The following MAGI1 variants were observed in gnomAD, a reference collection of about 807,000 sequenced individuals.
MAGI1 encodes membrane-associated guanylate kinase, WW and PDZ domain-containing protein 1.
In MAGI1, 58 loss-of-function variants were observed where a neutral mutation model predicts 139.9. The observed-to-expected ratio is 0.41, with a 90% CI of 0.34 to 0.52. The LOEUF (loss-of-function observed/expected upper bound fraction) is 0.52. MAGI1 is among the 20% of genes least tolerant of loss of function. MAGI1 has a pLI of 0.12. For missense variants in MAGI1, 1,874 were observed against 1,901.6 expected, an observed-to-expected ratio of 0.99 and a Z score of 0.27; for synonymous variants, 812 against 737.9, an observed-to-expected ratio of 1.10 and a Z score of -1.63.
chr3:65,410,431 T>C (rs187349144), intron 12 of MAGI1, among the ~76,000 whole-genome samples: 1 of 152,348 alleles, frequency 6.6e-6, no homozygotes, highest in Admixed American at 6.5e-5. Flanking sequence ...ATACTTGGTC[T>C]AAAACCAAGC....
At chr3:65,878,238 C>T (rs909167382) in intron 1 of MAGI1, among the ~76,000 whole-genome samples, 4 of 152,128 alleles carry the variant, frequency 2.6e-5, no homozygotes, top group African/African-American at 7.2e-5. Context: ...CAGACTTGGC[C>T]GGGCACGGTG....
At chr3:65,566,447 T>C (rs1576339481) in intron 2 of MAGI1, among the ~76,000 whole-genome samples, 2 of 151,746 alleles carry the variant, frequency 1.3e-5, no homozygotes, top group Admixed American at 1.3e-4. Flanking sequence ...TTTTTTTTTT[T>C]CCATAGTTAA....
intron 1 of MAGI1, among the ~76,000 whole-genome samples, chr3:65,842,744 C>A (rs1350954424): frequency 6.6e-6 from 1 of 152,118 alleles, no homozygotes; most frequent in African/African-American, 2.4e-5. Flanking sequence ...ATAATTTGTT[C>A]CTTCCTTTCT....
At chr3:66,020,804 C>T (rs1269918433) in intron 1 of MAGI1, among the ~76,000 whole-genome samples, 2 of 152,296 alleles carry the variant, frequency 1.3e-5, no homozygotes, top group South Asian at 4.1e-4. Context: ...AATCACTTTT[C>T]AGTCATCCAT....
intron 1 of MAGI1, among the ~76,000 whole-genome samples, chr3:65,863,808 T>C (rs1365777554): frequency 6.6e-6 from 1 of 152,170 alleles, no homozygotes; most frequent in Non-Finnish European, 1.5e-5. Context: ...ATTATACATC[T>C]ATAAAAATCG....
chr3:65,909,271 T>A (rs143431485), intron 1 of MAGI1, among the ~76,000 whole-genome samples: 1 of 152,006 alleles, frequency 6.6e-6, no homozygotes, highest in East Asian at 1.9e-4. Flanking sequence ...ATGCCTGTAA[T>A]CTCAACATTT....
chr3:65,847,345 G>C (rs1367987590), intron 1 of MAGI1, among the ~76,000 whole-genome samples: 1 of 152,004 alleles, frequency 6.6e-6, no homozygotes, highest in Non-Finnish European at 1.5e-5. Flanking sequence ...CCCTAGCTAG[G>C]TTTCTATTTC....
chr3:65,970,091 C>A (rs1328715361), intron 1 of MAGI1, among the ~76,000 whole-genome samples: 4 of 152,190 alleles, frequency 2.6e-5, no homozygotes, highest in Non-Finnish European at 5.9e-5. Context: ...AAGCAACCCA[C>A]TGTCCATCAA....
At chr3:65,820,990 T>G (rs1559914792) in intron 1 of MAGI1, among the ~76,000 whole-genome samples, 2 of 152,244 alleles carry the variant, frequency 1.3e-5, no homozygotes, top group Admixed American at 6.5e-5. Flanking sequence ...TATTCTCTAT[T>G]TGCCCAATCT....
chr3:65,962,970 GT>G (rs147070673), intron 1 of MAGI1, among the ~76,000 whole-genome samples: 8,344 of 143,816 alleles, frequency 0.058, 343 homozygotes, highest in Non-Finnish European at 0.092. Flanking sequence ...AACAAGATGA[GT>G]TTTTTTTTTT....
chr3:65,946,496 G>C (rs1044047114), intron 1 of MAGI1, among the ~76,000 whole-genome samples: 2 of 152,050 alleles, frequency 1.3e-5, no homozygotes, highest in African/African-American at 4.8e-5. Context: ...CTCCAGGTTA[G>C]AGAAAAGCAG....
At chr3:65,516,408 G>A (rs975638104) in intron 2 of MAGI1, among the ~76,000 whole-genome samples, 3 of 152,040 alleles carry the variant, frequency 2.0e-5, no homozygotes, top group African/African-American at 7.2e-5. Context: ...TCGATCTCTT[G>A]ACCTTGGGAT....
At chr3:65,872,051 T>C (rs2059957696) in intron 1 of MAGI1, among the ~76,000 whole-genome samples, 1 of 152,172 alleles carries the variant, frequency 6.6e-6, no homozygotes, top group African/African-American at 2.4e-5. Context: ...ACCTGGGGAC[T>C]GACCCTCTCA....
chr3:65,392,807 G>T (rs540056705), intron 13 of MAGI1, among the ~76,000 whole-genome samples: 33 of 152,300 alleles, frequency 2.2e-4, no homozygotes, highest in Middle Eastern at 6.8e-3. Context: ...TTGAATGGAG[G>T]TATTGGCAAG....
At chr3:65,633,226 C>T (rs921255903) in intron 1 of MAGI1, among the ~76,000 whole-genome samples, 1 of 152,116 alleles carries the variant, frequency 6.6e-6, no homozygotes, top group Non-Finnish European at 1.5e-5. Flanking sequence ...CCCCACTGTG[C>T]GGCTGACAAT....
intron 1 of MAGI1, among the ~76,000 whole-genome samples, chr3:65,630,503 G>A (rs778980169): frequency 6.6e-6 from 1 of 152,162 alleles, no homozygotes; most frequent in Non-Finnish European, 1.5e-5. Flanking sequence ...AATGAAAAAT[G>A]TGATATCTAT....
At chr3:65,982,432 A>G (rs1367314) in intron 1 of MAGI1, among the ~76,000 whole-genome samples, 152,339 of 152,342 alleles carry the variant, frequency 1, 76,168 homozygotes, top group Non-Finnish European at 1. Context: ...GAAATGCTTC[A>G]TGCCATCCAC....
At chr3:65,603,937 T>C (rs933790882) in intron 2 of MAGI1, among the ~76,000 whole-genome samples, 1 of 152,192 alleles carries the variant, frequency 6.6e-6, no homozygotes, top group African/African-American at 2.4e-5. Context: ...TTCCCATCCA[T>C]GAAGGTTCCA....
intron 1 of MAGI1, among the ~76,000 whole-genome samples, chr3:66,013,857 T>C (rs2060023): frequency 0.38 from 57,340 of 151,662 alleles, 12,073 homozygotes; most frequent in East Asian, 0.66. Flanking sequence ...TCTCAGACAA[T>C]GAAAACATCG....
Sources: allele counts gnomAD v4.1 joint callset (sites outside exome capture counted in the v4.1 genomes callset), GRCh38; gene constraint gnomAD v4.1.1; transcripts MANE v1.5; gene names NCBI Gene and HGNC (gene_info 2026-07-23, HGNC 2026-07-21).